The following KANK1 variants were observed in gnomAD, a reference collection of about 807,000 sequenced individuals.
KANK1 encodes the protein KN motif and ankyrin repeat domain-containing protein 1.
In KANK1, 109 loss-of-function variants were observed where a neutral mutation model predicts 106.2. The ratio of observed to expected loss-of-function variants is 1.03; its 90% confidence interval spans 0.88 to 1.20. The LOEUF (loss-of-function observed/expected upper bound fraction) is 1.20, where lower values mean the gene tolerates loss of function less well. Among genes scored for constraint, KANK1 ranks in the 50% most tolerant of loss-of-function variants. KANK1 has a pLI of 0.00. For missense variants in KANK1, 2,399 were observed against 1,710.7 expected (o/e 1.40, Z -7.10); for synonymous variants, 873 against 652.2 (o/e 1.34, Z -5.16).
intron 1 of KANK1, among the ~76,000 whole-genome samples, chr9:509,351 C>T (rs758967088): frequency 7.9e-5 from 12 of 152,192 alleles, no homozygotes; most frequent in Non-Finnish European, 1.6e-4. Flanking sequence ...CCACCTCGGC[C>T]TCCCAAAGTG....
At chr9:624,530 G>A (rs1168602825) in intron 1 of KANK1, among the ~76,000 whole-genome samples, 1 of 152,254 alleles carries the variant, frequency 6.6e-6, no homozygotes, top group Admixed American at 6.5e-5. Context: ...CAGGCCGGGT[G>A]TGGTGGCTCA....
chr9:520,727 A>G (rs1011701949), intron 1 of KANK1, among the ~76,000 whole-genome samples: 2 of 151,820 alleles, frequency 1.3e-5, no homozygotes, highest in Non-Finnish European at 2.9e-5. Context: ...TATGGAAAAC[A>G]GGGTCTAGTT....
chr9:544,629 G>A (rs2060820216), intron 1 of KANK1, among the ~76,000 whole-genome samples: 1 of 152,140 alleles, frequency 6.6e-6, no homozygotes, highest in South Asian at 2.1e-4. Context: ...CTCTGATAGG[G>A]GAAGTACGGG....
At chr9:717,189 G>A (rs1430228737) in intron 3 of KANK1, among the ~76,000 whole-genome samples, 1 of 151,734 alleles carries the variant, frequency 6.6e-6, no homozygotes, top group African/African-American at 2.4e-5. Context: ...GGAGGCTGAG[G>A]TGGGAAGATC....
intron 8 of KANK1, 92 bp downstream of exon 8, chr9:738,596 C>A: frequency 1.0e-6 from 1 of 966,614 alleles, no homozygotes; most frequent in Non-Finnish European, 1.6e-6. Context: ...CCTGAATTCT[C>A]TGACCATGCT....
intron 3 of KANK1, among the ~76,000 whole-genome samples, chr9:481,402 T>C (rs1423729959): frequency 1.3e-5 from 2 of 152,124 alleles, no homozygotes; most frequent in Non-Finnish European, 2.9e-5. Flanking sequence ...GACTAGCAAA[T>C]CCTTAAGCCT....
intron 1 of KANK1, among the ~76,000 whole-genome samples, chr9:586,873 C>T (rs1229506106): frequency 2.0e-5 from 3 of 152,186 alleles, no homozygotes; most frequent in Non-Finnish European, 4.4e-5. Flanking sequence ...GCACCCCCAG[C>T]AGGAAAGTGG....
At chr9:647,314 A>G (rs1211066642) in intron 1 of KANK1, among the ~76,000 whole-genome samples, 2 of 150,798 alleles carry the variant, frequency 1.3e-5, no homozygotes, top group Admixed American at 6.6e-5. Flanking sequence ...AAGATATGTC[A>G]TTATTACGTA....
chr9:728,892 CT>C (rs1831467124), intron 3 of KANK1, among the ~76,000 whole-genome samples: 1 of 152,134 alleles, frequency 6.6e-6, no homozygotes, highest in African/African-American at 2.4e-5. Flanking sequence ...GTTCTTCCAC[CT>C]TTCTAAACTA....
At chr9:503,558 C>A (rs957804278), upstream of KANK1, among the ~76,000 whole-genome samples, 11 of 152,186 alleles carry the variant, frequency 7.2e-5, no homozygotes, top group African/African-American at 2.7e-4. Context: ...TCTTCACTTG[C>A]ACACTCACAA....
At chr9:637,734 C>A (rs1437024078) in intron 1 of KANK1, among the ~76,000 whole-genome samples, 1 of 152,056 alleles carries the variant, frequency 6.6e-6, no homozygotes, top group East Asian at 1.9e-4. Flanking sequence ...TAGGGAGGTG[C>A]TTGTCAGATA....
intron 1 of KANK1, among the ~76,000 whole-genome samples, chr9:509,106 A>G (rs150451213): frequency 1.5e-3 from 231 of 149,570 alleles, no homozygotes; most frequent in African/African-American, 5.4e-3. Context: ...CCTATTTATT[A>G]TTTTTTTTTT....
At chr9:525,539 C>T (rs938672834) in intron 1 of KANK1, among the ~76,000 whole-genome samples, 11 of 151,394 alleles carry the variant, frequency 7.3e-5, no homozygotes, top group Non-Finnish European at 1.0e-4. Context: ...GCCGCCATGC[C>T]CTGCTAATTT....
At chr9:653,558 C>G (rs1253278085) in intron 1 of KANK1, among the ~76,000 whole-genome samples, 1 of 152,104 alleles carries the variant, frequency 6.6e-6, no homozygotes, top group African/African-American at 2.4e-5. Context: ...GGCTGCAAAA[C>G]CTTTCCCTTG....
Position 711,673 on chromosome 9 carries a change from T to G in KANK1, c.907T>G (p.Ser303Ala). 1 of 1,614,224 alleles carries G rather than the reference T, an allele frequency of 6.2e-7. No individual in the cohort carries two copies. Among genetic ancestry groups the G allele is most frequent in the Non-Finnish European group, 8.5e-7 (1 of 1,180,050 alleles). The change falls in exon 3 of 12, where the codon TCA (serine) becomes GCA (alanine). Residue 303 changes from serine to alanine, a missense_variant. Coordinates refer to ENST00000382297, the MANE Select transcript of KANK1 (RefSeq NM_015158.5). The part of the protein sequence containing the change: ...VLQEEKRQLV[S>A]QLKNQRAASQ... ...GCAAGAAGAGAAAAGGCAGTTGGTC[T>G]CACAGCTGAAAAACCAAAGGGCTGC...
At chr9:608,284 G>A (rs1455141882) in intron 1 of KANK1, among the ~76,000 whole-genome samples, 4 of 151,218 alleles carry the variant, frequency 2.6e-5, no homozygotes, top group Non-Finnish European at 2.9e-5. Context: ...TGATCCACCC[G>A]CCTCGGCCTC....
intron 2 of KANK1, among the ~76,000 whole-genome samples, chr9:697,859 C>T (rs751612336): frequency 3.9e-5 from 6 of 152,066 alleles, no homozygotes; most frequent in African/African-American, 9.7e-5. Context: ...TGTGTGCTGA[C>T]GATTGAGACT....
In KANK1 at chr9:730,063, G is replaced by A. The variant is rs373721072; in HGVS notation, c.2711G>A (p.Gly904Glu). 6.2e-6 allele frequency: 10 copies of A among 1,613,936 alleles called. No individual in the cohort carries two copies. The highest frequency in any genetic ancestry group is 7.6e-6 in the Non-Finnish European group (9 of 1,179,966). The stretch of plus-strand genomic sequence containing the variant: ...TTTTTCCTGATAGGCAATTATTTGG[G>A]ATATACCTGTAAGTGTGGGGGCCTT... ...SLGKITGNYL[G>E]YTCKCGGLQS... Residue 904 changes from glycine (G) to glutamate (E), a missense_variant, in exon 4 of 12, where the codon GGA becomes GAA. Gly to Glu is a moderately conservative substitution (Grantham distance 98). Coordinates refer to ENST00000382297, the MANE Select transcript of KANK1 (RefSeq NM_015158.5).
At chr9:520,433 C>T (rs185851407) in intron 1 of KANK1, among the ~76,000 whole-genome samples, 10 of 151,830 alleles carry the variant, frequency 6.6e-5, no homozygotes, top group Admixed American at 6.5e-4. Flanking sequence ...CTTCACTTGG[C>T]TGAAGAAAGT....
Sources: gnomAD v4.1 joint callset for allele counts (sites outside exome capture counted in the v4.1 genomes callset) on GRCh38, gnomAD v4.1.1 for gene constraint, MANE v1.5 for transcripts, NCBI Gene and HGNC (gene_info 2026-07-23, HGNC 2026-07-21) for gene names.